The following AOAH variants were observed in gnomAD, a reference collection of about 807,000 sequenced individuals.
The protein encoded by AOAH is acyloxyacyl hydrolase, also known as acyloxyacyl hydrolase (neutrophil).
AOAH carries 64 observed loss-of-function variants against 92.2 expected under a neutral mutation model. That is an observed-to-expected ratio of 0.69 (90% CI 0.57 to 0.86). The LOEUF (loss-of-function observed/expected upper bound fraction) is 0.86, where lower values mean the gene tolerates loss of function less well. Among genes scored for constraint, AOAH ranks in the 40% least tolerant of loss-of-function variants. AOAH has a pLI of 0.00. For synonymous variants in AOAH, 263 were observed against 254.5 expected, an observed-to-expected ratio of 1.03 and a Z score of -0.32; for missense variants, 656 against 694.6, an observed-to-expected ratio of 0.94 and a Z score of 0.62.
intron 15 of AOAH, among the ~76,000 whole-genome samples, chr7:36,544,278 G>A (rs1026863098): frequency 4.6e-5 from 7 of 152,076 alleles, no homozygotes; most frequent in African/African-American, 1.7e-4. Context: ...TTTGATCTGT[G>A]TACTTTTTCC....
At chr7:36,527,353 T>C (rs1784450969) in intron 19 of AOAH, among the ~76,000 whole-genome samples, 1 of 152,224 alleles carries the variant, frequency 6.6e-6, no homozygotes. Flanking sequence ...TCAGATCACA[T>C]ACAGTACCAA....
intron 3 of AOAH, among the ~76,000 whole-genome samples, chr7:36,662,501 G>A (rs915721215): frequency 5.3e-5 from 8 of 152,174 alleles, no homozygotes; most frequent in Non-Finnish European, 7.3e-5. Context: ...AAATCGAGAG[G>A]GTGGCTGTTT....
intron 11 of AOAH, among the ~76,000 whole-genome samples, chr7:36,610,153 T>C: frequency 1.6e-5 from 1 of 62,392 alleles, no homozygotes; most frequent in Admixed American, 2.0e-4. Context: ...GAATGCTCCA[T>C]AATAGCAAAA....
intron 15 of AOAH, among the ~76,000 whole-genome samples, chr7:36,548,352 ATTG>A (rs985012886): frequency 1.3e-5 from 2 of 152,024 alleles, no homozygotes; most frequent in African/African-American, 2.4e-5. Flanking sequence ...TGCCCAGCTA[ATTG>A]TTGTATTTTT....
At chr7:36,551,076 C>CTTTT (rs11373192) in intron 13 of AOAH, among the ~76,000 whole-genome samples, 1 of 136,954 alleles carries the variant, frequency 7.3e-6, no homozygotes. Flanking sequence ...TCATTTCTTT[C>CTTTT]TTTTTTTTTT....
chr7:36,694,601 G>A (rs1797597078), intron 1 of AOAH, among the ~76,000 whole-genome samples: 2 of 152,092 alleles, frequency 1.3e-5, no homozygotes, highest in South Asian at 4.1e-4. Flanking sequence ...CTTAAGGTGT[G>A]CTTTATATAC....
chr7:36,562,054 T>G (rs17170633), intron 13 of AOAH, among the ~76,000 whole-genome samples: 4,656 of 152,320 alleles, frequency 0.031, 165 homozygotes, highest in South Asian at 0.088. Flanking sequence ...AGCCTAGAAT[T>G]CTCTTTGCTC....
intron 20 of AOAH, among the ~76,000 whole-genome samples, chr7:36,520,387 A>G (rs149439430): frequency 6.6e-6 from 1 of 152,178 alleles, no homozygotes. Context: ...GCAGAGAATG[A>G]TAAGAACTAG....
intron 13 of AOAH, 152 bp downstream of exon 13, chr7:36,576,422 C>A (rs1398914379): frequency 1.9e-6 from 1 of 515,800 alleles, no homozygotes; most frequent in African/African-American, 2.0e-5. Context: ...AGCACAGGGC[C>A]CTTCTTTCAG....
At chr7:36,667,929 ATTTATC>A (rs1795647391) in intron 3 of AOAH, among the ~76,000 whole-genome samples, 1 of 152,148 alleles carries the variant, frequency 6.6e-6, no homozygotes, top group Non-Finnish European at 1.5e-5. Context: ...TTTAATCTAT[ATTTATC>A]TTTATATTTA....
In AOAH at chr7:36,637,877, G is replaced by T. The variant is rs745947175; in HGVS notation, c.424C>A (p.Gln142Lys). 1.2e-6 allele frequency: 2 copies of T among 1,614,030 alleles called. No individual in the cohort carries two copies. The highest frequency in any genetic ancestry group is 4.5e-5 in the East Asian group (2 of 44,876). Residue 142 changes from glutamine to lysine, a missense_variant, in exon 5 of 21, where the codon CAA becomes AAA. Physicochemically the swap from Gln to Lys is moderately conservative, Grantham distance 53. Coordinates refer to ENST00000617537, the MANE Select transcript of AOAH (RefSeq NM_001637.4). ...TWKFTLQKAR[Q>K]IVKKSPILKY... ...AGAATCGGGGACTTCTTGACAATTT[G>T]TCTTGCCTTCTGTAGTGTAAATTTC...
chr7:36,613,133 CTT>C (rs761437568), intron 11 of AOAH, among the ~76,000 whole-genome samples: 21 of 152,086 alleles, frequency 1.4e-4, no homozygotes, highest in Non-Finnish European at 2.5e-4. Flanking sequence ...TTTTCTGACT[CTT>C]TGAATGACTG....
At chr7:36,634,424 C>A (rs1413149941) in intron 5 of AOAH, among the ~76,000 whole-genome samples, 1 of 152,114 alleles carries the variant, frequency 6.6e-6, no homozygotes, top group African/African-American at 2.4e-5. Flanking sequence ...GTGCATGCAG[C>A]CCCCAGTCAC....
intron 13 of AOAH, among the ~76,000 whole-genome samples, chr7:36,558,049 A>G (rs1191195505): frequency 1.3e-5 from 2 of 152,124 alleles, no homozygotes; most frequent in Non-Finnish European, 2.9e-5. Context: ...CCTTTGGAGG[A>G]GGAGAGGCGC....
At chr7:36,529,462 G>A (rs1232360581) in intron 19 of AOAH, among the ~76,000 whole-genome samples, 1 of 152,164 alleles carries the variant, frequency 6.6e-6, no homozygotes, top group Non-Finnish European at 1.5e-5. Flanking sequence ...AGGGAGACCA[G>A]TCTTGTTGAA....
chr7:36,711,111 A>G (rs1798741095), intron 1 of AOAH, among the ~76,000 whole-genome samples: 1 of 152,186 alleles, frequency 6.6e-6, no homozygotes, highest in Non-Finnish European at 1.5e-5. Flanking sequence ...GAAAGTGTGG[A>G]AAATTCAGAA....
chr7:36,694,546 T>A (rs1797592118), intron 1 of AOAH, among the ~76,000 whole-genome samples: 1 of 152,158 alleles, frequency 6.6e-6, no homozygotes, highest in African/African-American at 2.4e-5. Context: ...ATTGTCCTTT[T>A]CAATACACTT....
chr7:36,707,079 T>C (rs940740483), intron 1 of AOAH, among the ~76,000 whole-genome samples: 1 of 94,110 alleles, frequency 1.1e-5, no homozygotes, highest in South Asian at 3.9e-4. Context: ...GGCTAACTGT[T>C]TGGCATATCT....
chr7:36,680,177 C>T (rs901647863), intron 2 of AOAH, among the ~76,000 whole-genome samples: 1 of 152,104 alleles, frequency 6.6e-6, no homozygotes, highest in Non-Finnish European at 1.5e-5. Flanking sequence ...AGAATGATTC[C>T]ATTAATCATT....
Sources: gnomAD v4.1 joint callset for allele counts (sites outside exome capture counted in the v4.1 genomes callset) on GRCh38, gnomAD v4.1.1 for gene constraint, MANE v1.5 for transcripts, NCBI Gene and HGNC (gene_info 2026-07-23, HGNC 2026-07-21) for gene names.